Variants in DCAF1 observed in about 807,000 individuals in gnomAD.
DCAF1 encodes DDB1- and CUL4-associated factor 1.
Under a neutral mutation model 128.0 loss-of-function variants are expected in DCAF1, and 15 were observed. The ratio of observed to expected loss-of-function variants is 0.12; its 90% CI spans 0.08 to 0.18. The LOEUF (loss-of-function observed/expected upper bound fraction) is 0.18, where lower values mean the gene tolerates loss of function less well. Ranked by LOEUF, DCAF1 falls within the 10% of genes least tolerant of loss-of-function variation. The probability of loss-of-function intolerance (pLI) is 1.00; values close to 1 mark genes in which losing one functional copy is unlikely to be tolerated. For synonymous variants in DCAF1, 610 were observed against 603.0 expected, an observed-to-expected ratio of 1.01 and a Z score of -0.17; for missense variants, 988 against 1,649.5, an observed-to-expected ratio of 0.60 and a Z score of 6.95.
At position 51,427,441 on chromosome 3, in the gene DCAF1, T is replaced by C. The variant is rs372006278; in HGVS notation, c.1778A>G (p.Lys593Arg). The change falls in exon 13 of 25, where the codon AAA becomes AGA. Residue 593 changes from lysine (K) to arginine (R), a missense_variant. Around this residue, in one of 11 missense-constraint regions of DCAF1, gnomAD observed 185 missense variants for 248.1 expected, o/e 0.75. Transcript: ENST00000684031. ...CAACAAGAGTTGCACACAAGAAAGT[T>C]TGAGGAAAACTTCAGCTGGTTCCCA... ...LYWEPAEVFL[K>R]LSCVQLLLQL... 4.1e-5 allele frequency: 32 copies of C among 779,966 alleles called. No homozygotes were observed. The highest frequency in any genetic ancestry group is 6.8e-5 in the African/African-American group (4 of 59,086). 48.3% of individuals were successfully genotyped at this position (779,966 alleles called of 1,614,324 possible).
chr3:51,505,426 A>AGG, the DCAF1 span, among the ~76,000 whole-genome samples: 9 of 152,152 alleles, frequency 5.9e-5, no homozygotes, highest in African/African-American at 2.2e-4. Context: ...TCCCTCTTGG[A>AGG]GATGTTGCCA....
At chr3:51,414,175 A>C in intron 19 of DCAF1, 132 bp from the exon 20 acceptor site, 6 of 1,216,800 alleles carry the variant, frequency 4.9e-6, no homozygotes, top group Non-Finnish European at 6.6e-6. Flanking sequence ...GATCAAGGTA[A>C]AACAAATACA....
At chr3:51,462,760 A>C (rs1160759970) in intron 6 of DCAF1, among the ~76,000 whole-genome samples, 5 of 151,292 alleles carry the variant, frequency 3.3e-5, no homozygotes, top group South Asian at 2.1e-4. Context: ...AAAAAAAAAA[A>C]AAAAAACTAT....
intron 4 of DCAF1, among the ~76,000 whole-genome samples, chr3:51,470,094 G>C (rs1553647964): frequency 1.3e-5 from 2 of 152,116 alleles, no homozygotes; most frequent in Admixed American, 1.3e-4. Flanking sequence ...TAGTTCTCAA[G>C]ACACCAAAGC....
intron 24 of DCAF1, 151 bp downstream of exon 24, chr3:51,402,992 C>G: frequency 7.6e-7 from 1 of 1,313,550 alleles, no homozygotes; most frequent in Non-Finnish European, 1.0e-6. Context: ...GGCAGAGATG[C>G]AAAGGTGCTT....
Position 51,463,208 on chromosome 3 carries a change from A to C in DCAF1, c.281T>G (p.Met94Arg). ...GTTTAAAGGGGGCTCTCGGCTTGTCATCACATATGCATTCACCAGCTGTAA... is the reference window on the plus strand; with the variant it reads ...GTTTAAAGGGGGCTCTCGGCTTGTCCTCACATATGCATTCACCAGCTGTAA... ...FMNALVNAYV[M>R]TSREPPLNTA... The change falls in exon 6 of 25, where the codon ATG becomes AGG. Residue 94 changes from methionine to arginine, a missense_variant. Physicochemically the swap from Met to Arg is moderately conservative, Grantham distance 91 (BLOSUM62 -1). Around this residue, in one of 11 missense-constraint regions of DCAF1, gnomAD observed 210 missense variants for 260.2 expected, o/e 0.81. Coordinates refer to ENST00000684031, the MANE Select transcript of DCAF1 (RefSeq NM_001387579.1). 1 of 1,586,272 alleles carries C rather than the reference A, an allele frequency of 6.3e-7. No individual in the cohort carries two copies.
intron 6 of DCAF1, among the ~76,000 whole-genome samples, chr3:51,453,120 A>AT (rs1444050493): frequency 6.6e-6 from 1 of 152,136 alleles, no homozygotes; most frequent in Non-Finnish European, 1.5e-5. Flanking sequence ...CATATTAAAA[A>AT]TTTTTTACAA....
intron 24 of DCAF1, among the ~76,000 whole-genome samples, chr3:51,402,116 A>G (rs886534158): frequency 1.3e-5 from 2 of 152,254 alleles, no homozygotes; most frequent in Admixed American, 1.3e-4. Flanking sequence ...CTAATGGGAA[A>G]TAACTAGAAG....
rs1553638815 is a variant in DCAF1, at chr3:51,441,745, A to T, written c.666T>A (p.Ala222=). ...CTTGGTCTCCATCCACTACATCTACAGCCATGTCACCATAGTCCATATCCA... is the reference window on the plus strand; with the variant it reads ...CTTGGTCTCCATCCACTACATCTACTGCCATGTCACCATAGTCCATATCCA... The part of the protein sequence containing the change: ...EAVDMDYGDM[A]VDVVDGDQEE... The change falls in exon 8 of 25, where the codon GCT becomes GCA. Residue 222 remains alanine (A), a synonymous_variant. Transcript: ENST00000684031. 6.2e-7 allele frequency: 1 copy of T among 1,613,972 alleles called. No individual in the cohort carries two copies. Among genetic ancestry groups the T allele is most frequent in the East Asian group, 2.2e-5 (1 of 44,876 alleles).
chr3:51,500,376 T>G (rs545144388), upstream of DCAF1, among the ~76,000 whole-genome samples: 1 of 152,210 alleles, frequency 6.6e-6, no homozygotes, highest in South Asian at 2.1e-4. Flanking sequence ...GCCTGATACT[T>G]TTTCAGTGTC....
At chr3:51,418,609 C>T (rs1699110977) in intron 16 of DCAF1, 69 bp downstream of exon 16, 5 of 1,533,554 alleles carry the variant, frequency 3.3e-6, no homozygotes, top group Non-Finnish European at 4.4e-6. Context: ...AAGGGTAAGC[C>T]TCCTTTACTC....
At chr3:51,489,285 T>C (rs1024134258) in intron 2 of DCAF1, among the ~76,000 whole-genome samples, 1 of 151,176 alleles carries the variant, frequency 6.6e-6, no homozygotes, top group South Asian at 2.1e-4. Context: ...AATAAAAAAT[T>C]AGCAGGGCAT....
intron 6 of DCAF1, among the ~76,000 whole-genome samples, chr3:51,455,160 A>T (rs1553642532): frequency 6.6e-6 from 1 of 152,214 alleles, no homozygotes; most frequent in Non-Finnish European, 1.5e-5. Context: ...CCCCTACAAC[A>T]AAACACAGCA....
chr3:51,457,499 A>T (rs1322783957), intron 6 of DCAF1, among the ~76,000 whole-genome samples: 2 of 152,240 alleles, frequency 1.3e-5, no homozygotes, highest in Admixed American at 6.5e-5. Context: ...GCAGGATATT[A>T]TCCAGGAGAA....
At chr3:51,423,996 C>A (rs576049547) in intron 13 of DCAF1, among the ~76,000 whole-genome samples, 1 of 151,200 alleles carries the variant, frequency 6.6e-6, no homozygotes, top group Non-Finnish European at 1.5e-5. Flanking sequence ...TTCAAAGAAC[C>A]CTAAAGAATG....
chr3:51,421,267 A>AT (rs1303090153), intron 14 of DCAF1, among the ~76,000 whole-genome samples: 2 of 152,082 alleles, frequency 1.3e-5, no homozygotes, highest in Non-Finnish European at 2.9e-5. Context: ...TGGTTTTATT[A>AT]TTTTTTTGAG....
intron 16 of DCAF1, 66 bp downstream of exon 16, chr3:51,418,612 C>T (rs530797697): frequency 4.9e-4 from 756 of 1,541,864 alleles, no homozygotes; most frequent in East Asian, 6.6e-4. Flanking sequence ...GGTAAGCCTC[C>T]TTTACTCTAG....
At chr3:51,411,587 A>G (rs972257765) in intron 23 of DCAF1, among the ~76,000 whole-genome samples, 30 of 152,220 alleles carry the variant, frequency 2.0e-4, no homozygotes, top group African/African-American at 6.5e-4. Context: ...CACATTTTAT[A>G]TATGTTTAAT....
intron 13 of DCAF1, among the ~76,000 whole-genome samples, chr3:51,423,373 G>A (rs1699593996): frequency 6.6e-6 from 1 of 151,824 alleles, no homozygotes; most frequent in Admixed American, 6.6e-5. Context: ...TTAGTGGCGG[G>A]CGCCTGTAGT....
Sources: gnomAD v4.1 joint callset for allele counts (sites outside exome capture counted in the v4.1 genomes callset) on GRCh38, gnomAD v4.1.1 for gene constraint, gnomAD v4.1.1 regional missense constraint, MANE v1.5 for transcripts, NCBI Gene and HGNC (gene_info 2026-07-23, HGNC 2026-07-21) for gene names.